PCLO: variants seen among roughly 807,000 people sequenced by gnomAD.
The protein encoded by PCLO is piccolo presynaptic cytomatrix protein.
A neutral mutation model predicts 427.5 loss-of-function variants in PCLO; 82 were observed. That is an observed-to-expected ratio of 0.19 (90% CI 0.16 to 0.23). The LOEUF (loss-of-function observed/expected upper bound fraction) is 0.23. Among genes scored for constraint, PCLO ranks in the 10% least tolerant of loss-of-function variants. PCLO has a pLI of 1.00. For synonymous variants in PCLO, 2,357 were observed against 2,155.4 expected, an observed-to-expected ratio of 1.09 and a Z score of -2.59; for missense variants, 6,239 against 6,115.9, an observed-to-expected ratio of 1.02 and a Z score of -0.67.
intron 10 of PCLO, among the ~76,000 whole-genome samples, chr7:82,858,364 C>T (rs757463723): frequency 1.4e-4 from 22 of 152,084 alleles, no homozygotes; most frequent in Non-Finnish European, 2.2e-4. Flanking sequence ...TAATATCATA[C>T]TCAATGAAGA....
chr7:83,032,905 C>T lies in PCLO; in HGVS notation c.3301-66418G>A, dbSNP rs183341181. 3.9e-4 allele frequency among the ~76,000 whole-genome samples: 59 copies of T among 152,150 alleles called. 1 individual carries two copies. The highest frequency in any genetic ancestry group is 3.4e-3 in the Middle Eastern group (1 of 294). On this transcript the variant is annotated intron_variant, in intron 3 of 24. Coordinates refer to ENST00000333891, the MANE Select transcript of PCLO (RefSeq NM_033026.6). ...TTCCCACCCAAATCGCATCTCATCT[C>T]GAATTGTAATCCCCACATGTGGAGG...
At chr7:83,129,135 T>G in intron 3 of PCLO, among the ~76,000 whole-genome samples, 1 of 152,200 alleles carries the variant, frequency 6.6e-6, no homozygotes, top group East Asian at 1.9e-4. Flanking sequence ...CTCTGAACTA[T>G]ACCTTTGTGG....
chr7:82,987,944 T>C (rs551722791), intron 3 of PCLO, among the ~76,000 whole-genome samples: 1 of 152,222 alleles, frequency 6.6e-6, no homozygotes, highest in African/African-American at 2.4e-5. Context: ...GCTAACACTG[T>C]GAACAGTGTT....
In PCLO at chr7:82,915,887, A is replaced by T. The variant is rs1458176710; in HGVS notation, c.12099T>A (p.Ser4033=). The T allele has an allele frequency of 6.2e-7, 1 of 1,613,540 alleles. No individual in the cohort carries two copies. The highest frequency in any genetic ancestry group is 8.5e-7 in the Non-Finnish European group (1 of 1,179,738). Residue 4033 remains serine, a synonymous_variant, in exon 7 of 25, where the codon TCT becomes TCA. Coordinates refer to ENST00000333891, the MANE Select transcript of PCLO (RefSeq NM_033026.6). ...TATGGTGATCAATATCTGCATAGAA[A>T]GAATCTGCAGATATGCTTGATATTG... ...SSPISSISAD[S]FYADIDHHTP...
chr7:83,038,835 A>G (rs1788898891), intron 3 of PCLO, among the ~76,000 whole-genome samples: 1 of 151,986 alleles, frequency 6.6e-6, no homozygotes. Context: ...ACCAATTTAT[A>G]TTCACACCAG....
chr7:83,055,579 C>T (rs748652528), intron 3 of PCLO, among the ~76,000 whole-genome samples: 2 of 151,962 alleles, frequency 1.3e-5, no homozygotes, highest in Admixed American at 6.6e-5. Context: ...CAGCCCATTG[C>T]AAAGCTGTCA....
chr7:83,004,805 G>A (rs1787908062), intron 3 of PCLO, among the ~76,000 whole-genome samples: 1 of 151,424 alleles, frequency 6.6e-6, no homozygotes, highest in African/African-American at 2.4e-5. Flanking sequence ...AAAAAAATAA[G>A]GAACTCTAAT....
At chr7:83,073,649 TA>T (rs1229172979) in intron 3 of PCLO, among the ~76,000 whole-genome samples, 1 of 151,986 alleles carries the variant, frequency 6.6e-6, no homozygotes, top group Admixed American at 6.6e-5. Context: ...ATATTAATTC[TA>T]AATTGCTTAG....
chr7:82,900,756 T>C (rs958831946), intron 9 of PCLO, among the ~76,000 whole-genome samples: 1 of 151,742 alleles, frequency 6.6e-6, no homozygotes, highest in Non-Finnish European at 1.5e-5. Context: ...ATAAGGCTTA[T>C]AGATATTTTA....
At chr7:83,119,583 G>T (rs753626886) in intron 3 of PCLO, among the ~76,000 whole-genome samples, 2 of 152,002 alleles carry the variant, frequency 1.3e-5, no homozygotes, top group Non-Finnish European at 2.9e-5. Flanking sequence ...AATAAGCCCA[G>T]ACTGCAAAGA....
At chr7:82,967,632 A>T (rs192999930) in intron 3 of PCLO, among the ~76,000 whole-genome samples, 88 of 152,292 alleles carry the variant, frequency 5.8e-4, no homozygotes, top group African/African-American at 2.0e-3. Flanking sequence ...TGCCTTTTTG[A>T]TAAACTGGTT....
chr7:83,107,127 T>A (rs1453374442), intron 3 of PCLO, among the ~76,000 whole-genome samples: 1 of 152,166 alleles, frequency 6.6e-6, no homozygotes, highest in Non-Finnish European at 1.5e-5. Flanking sequence ...AAATTGCATG[T>A]CACAGGGTGT....
At chr7:82,999,200 G>A (rs1404946385) in intron 3 of PCLO, among the ~76,000 whole-genome samples, 1 of 142,442 alleles carries the variant, frequency 7.0e-6, no homozygotes, top group African/African-American at 2.6e-5. Flanking sequence ...CCAGAATTGT[G>A]GGATACCTAT....
At chr7:82,826,540 T>C (rs763347481) in intron 18 of PCLO, 49 bp downstream of exon 18, 4 of 1,213,732 alleles carry the variant, frequency 3.3e-6, no homozygotes, top group Non-Finnish European at 4.8e-6. Flanking sequence ...GTGCTTTAAT[T>C]GGTGGTTTAC....
At chr7:82,805,419 G>T (rs73169313) in intron 21 of PCLO, among the ~76,000 whole-genome samples, 1 of 152,038 alleles carries the variant, frequency 6.6e-6, no homozygotes, top group Admixed American at 6.6e-5. Flanking sequence ...CTTTATTCTG[G>T]CATGGCTAAG....
chr7:82,958,341 C>T (rs1795579179), intron 4 of PCLO, among the ~76,000 whole-genome samples: 1 of 145,212 alleles, frequency 6.9e-6, no homozygotes, highest in South Asian at 2.1e-4. Context: ...TTCCTTCCTT[C>T]CTCCCTTCTT....
chr7:83,101,634 G>A (rs923914712), intron 3 of PCLO, among the ~76,000 whole-genome samples: 1 of 152,132 alleles, frequency 6.6e-6, no homozygotes, highest in African/African-American at 2.4e-5. Flanking sequence ...TGGAAGTGAA[G>A]AATAATTTGA....
At chr7:82,906,920 G>T (rs919561743) in intron 8 of PCLO, among the ~76,000 whole-genome samples, 60 of 152,018 alleles carry the variant, frequency 3.9e-4, no homozygotes, top group African/African-American at 1.4e-3. Context: ...GACATAGCAA[G>T]AAATTTATTA....
chr7:82,797,678 T>C (rs958957392), intron 22 of PCLO, among the ~76,000 whole-genome samples: 1 of 152,154 alleles, frequency 6.6e-6, no homozygotes, highest in Non-Finnish European at 1.5e-5. Flanking sequence ...GCTTTACATA[T>C]GCACTTAATT....
Sources: gnomAD v4.1 joint callset for allele counts (sites outside exome capture counted in the v4.1 genomes callset) on GRCh38, gnomAD v4.1.1 for gene constraint, MANE v1.5 for transcripts, NCBI Gene and HGNC (gene_info 2026-07-23, HGNC 2026-07-21) for gene names.